PRKCE: variants seen among roughly 807,000 people sequenced by gnomAD.
PRKCE encodes the protein protein kinase C epsilon, also known as protein kinase C epsilon type.
Under a neutral mutation model 85.4 loss-of-function variants are expected in PRKCE, and 16 were observed. The observed-to-expected ratio is 0.19, with a 90% CI of 0.13 to 0.28. The LOEUF (loss-of-function observed/expected upper bound fraction) is 0.28. Ranked by LOEUF, PRKCE falls within the 10% of genes least tolerant of loss-of-function variation. The pLI is 1.00. For missense variants in PRKCE, 573 were observed against 975.2 expected (o/e 0.59, Z 5.49); for synonymous variants, 388 against 371.5 (o/e 1.04, Z -0.51).
chr2:45,701,192 C>T (rs891044835), intron 1 of PRKCE, among the ~76,000 whole-genome samples: 1 of 152,162 alleles, frequency 6.6e-6, no homozygotes, highest in African/African-American at 2.4e-5. Flanking sequence ...AATAGGTGCT[C>T]AATGAACAGT....
At chr2:45,839,179 A>G (rs1489180297) in intron 1 of PRKCE, among the ~76,000 whole-genome samples, 1 of 151,938 alleles carries the variant, frequency 6.6e-6, no homozygotes, top group Non-Finnish European at 1.5e-5. Context: ...CTTTGCATGT[A>G]TGTTTCATGG....
chr2:46,164,098 A>G (rs1024045176), intron 14 of PRKCE, among the ~76,000 whole-genome samples: 3 of 152,222 alleles, frequency 2.0e-5, no homozygotes, highest in African/African-American at 7.2e-5. Flanking sequence ...ATGCCTTCCT[A>G]GCAGAGCTGG....
chr2:45,796,432 G>A (rs991857209), intron 1 of PRKCE, among the ~76,000 whole-genome samples: 2 of 152,192 alleles, frequency 1.3e-5, no homozygotes, highest in Non-Finnish European at 2.9e-5. Context: ...TGAGAACAAT[G>A]CTTGGTGTAT....
intron 1 of PRKCE, among the ~76,000 whole-genome samples, chr2:45,794,535 C>T (rs1002978223): frequency 3.3e-5 from 5 of 152,130 alleles, no homozygotes; most frequent in Non-Finnish European, 5.9e-5. Context: ...TGATGCACGG[C>T]TTTCTGTGGT....
In PRKCE at chr2:46,045,165, G is replaced by A. The variant is rs117468288; in HGVS notation, c.1437+34648G>A. Among the ~76,000 whole-genome samples, 161 of 152,218 alleles carry A rather than the reference G, an allele frequency of 1.1e-3. 2 individuals carry two copies. In the East Asian group the frequency reaches 0.03, roughly 28 times the overall value. On this transcript the variant is annotated intron_variant, in intron 10 of 14. Transcript: ENST00000306156. Reference sequence around the variant, plus strand: ...GACAACCTAGGGTATACCACATATAGCAAAAATAGGAATTCCATTGGGGAA... The same window carrying A: ...GACAACCTAGGGTATACCACATATAACAAAAATAGGAATTCCATTGGGGAA...
At chr2:46,044,763 A>C (rs1708416442) in intron 10 of PRKCE, among the ~76,000 whole-genome samples, 1 of 152,212 alleles carries the variant, frequency 6.6e-6, no homozygotes, top group Admixed American at 6.5e-5. Context: ...AATTAGGGAA[A>C]GTGCACTGAG....
At chr2:46,100,523 G>A (rs1486613329) in intron 11 of PRKCE, among the ~76,000 whole-genome samples, 1 of 152,176 alleles carries the variant, frequency 6.6e-6, no homozygotes, top group Non-Finnish European at 1.5e-5. Flanking sequence ...GTCCTGTCAG[G>A]ATTGAGAATG....
chr2:45,950,310 T>A (rs149002771), intron 2 of PRKCE, among the ~76,000 whole-genome samples: 1 of 152,314 alleles, frequency 6.6e-6, no homozygotes, highest in East Asian at 1.9e-4. Flanking sequence ...TAAAAACAGA[T>A]CACTGCTTTA....
chr2:45,924,311 G>T (rs1698459810), intron 2 of PRKCE, among the ~76,000 whole-genome samples: 1 of 152,168 alleles, frequency 6.6e-6, no homozygotes, highest in African/African-American at 2.4e-5. Context: ...CCACTGCCAG[G>T]GAAATAAATC....
chr2:46,101,946 G>A (rs1465228485), intron 11 of PRKCE, among the ~76,000 whole-genome samples: 1 of 151,444 alleles, frequency 6.6e-6, no homozygotes, highest in East Asian at 1.9e-4. Flanking sequence ...CCTGGGGCCA[G>A]TTTCAGGCTA....
chr2:45,800,788 C>T lies in PRKCE; in HGVS notation c.349-42212C>T, dbSNP rs553864082. On this transcript the variant is annotated intron_variant, in intron 1 of 14. Coordinates refer to ENST00000306156, the MANE Select transcript of PRKCE (RefSeq NM_005400.3). The stretch of plus-strand genomic sequence containing the variant: ...ACAGTAGAGCTGGCTTCCTTCGGCC[C>T]GTAAATCTTCACTAATTATCTCCTA... Among the ~76,000 whole-genome samples the T allele has an allele frequency of 7.4e-4, 112 of 152,252 alleles. 4 individuals carry two copies. The South Asian group carries it at 0.02, about 27-fold the overall frequency.
intron 1 of PRKCE, among the ~76,000 whole-genome samples, chr2:45,811,067 G>A (rs776009108): frequency 3.3e-5 from 5 of 152,286 alleles, no homozygotes; most frequent in Admixed American, 6.5e-5. Flanking sequence ...ATCCTATGGC[G>A]AGATTTAGTC....
intron 1 of PRKCE, among the ~76,000 whole-genome samples, chr2:45,710,066 G>T (rs1450176714): frequency 6.6e-6 from 1 of 152,186 alleles, no homozygotes; most frequent in Non-Finnish European, 1.5e-5. Flanking sequence ...AAAGTTCTGG[G>T]ATTACAGGCT....
chr2:45,975,493 T>C (rs1702388030), intron 2 of PRKCE, among the ~76,000 whole-genome samples: 1 of 152,122 alleles, frequency 6.6e-6, no homozygotes, highest in South Asian at 2.1e-4. Context: ...CCTCCTCTTA[T>C]AAGGACACTA....
At chr2:45,943,573 A>G (rs1046120640) in intron 2 of PRKCE, among the ~76,000 whole-genome samples, 1 of 152,268 alleles carries the variant, frequency 6.6e-6, no homozygotes, top group Non-Finnish European at 1.5e-5. Flanking sequence ...CATGCCAGAA[A>G]CATGCCAGAA....
At chr2:45,998,588 G>T (rs574277611) in intron 6 of PRKCE, among the ~76,000 whole-genome samples, 6 of 151,658 alleles carry the variant, frequency 4.0e-5, no homozygotes, top group African/African-American at 1.5e-4. Flanking sequence ...GTTGGGTCTT[G>T]TTTTTTTTGA....
chr2:45,654,039 GA>G (rs1247634535), intron 1 of PRKCE, among the ~76,000 whole-genome samples: 2 of 152,200 alleles, frequency 1.3e-5, no homozygotes, highest in African/African-American at 4.8e-5. Flanking sequence ...CCTTGACTCT[GA>G]AAACCTGTGA....
chr2:45,918,035 C>T (rs541225112), intron 2 of PRKCE, among the ~76,000 whole-genome samples: 4 of 152,364 alleles, frequency 2.6e-5, no homozygotes, highest in East Asian at 1.9e-4. Context: ...CGCGCAGCCC[C>T]GGTTCCCGCT....
At chr2:46,060,250 C>A (rs1013344217) in intron 10 of PRKCE, among the ~76,000 whole-genome samples, 1 of 152,168 alleles carries the variant, frequency 6.6e-6, no homozygotes, top group Non-Finnish European at 1.5e-5. Flanking sequence ...CCCCCCAAAG[C>A]TGAAGTTAAG....
Sources: allele counts gnomAD v4.1 joint callset (sites outside exome capture counted in the v4.1 genomes callset), GRCh38; gene constraint gnomAD v4.1.1; transcripts MANE v1.5; gene names NCBI Gene and HGNC (gene_info 2026-07-23, HGNC 2026-07-21).